Variants in ATM observed in about 807,000 individuals in gnomAD.
ATM encodes the protein serine-protein kinase ATM.
Under a neutral mutation model 387.0 loss-of-function variants are expected in ATM, and 308 were observed. The observed-to-expected ratio is 0.80, with a 90% CI of 0.73 to 0.87. ATM has a LOEUF of 0.87. Among genes scored for constraint, ATM ranks in the 40% least tolerant of loss-of-function variants. ATM has a pLI of 0.00. For missense variants in ATM, 3,312 were observed against 3,560.9 expected (o/e 0.93, Z 1.78); for synonymous variants, 1,156 against 1,187.3 (o/e 0.97, Z 0.54).
intron 27 of ATM, 77 bp downstream of exon 27, chr11:108,287,792 A>C: frequency 9.8e-7 from 1 of 1,020,534 alleles, no homozygotes; most frequent in Non-Finnish European, 1.5e-6. Flanking sequence ...GACACCTTCA[A>C]TGTCTATTTC....
chr11:108,346,812 C>T (rs2088474270), intron 58 of ATM, among the ~76,000 whole-genome samples: 1 of 151,926 alleles, frequency 6.6e-6, no homozygotes, highest in African/African-American at 2.4e-5. Flanking sequence ...GGGATACACA[C>T]CTGGTGAAAT....
At chr11:108,292,576 A>C (rs1190498596) in intron 29 of ATM, 43 bp from the exon 30 acceptor site, 1 of 1,597,906 alleles carries the variant, frequency 6.3e-7, no homozygotes, top group African/African-American at 1.3e-5. Context: ...GTAATTTTCC[A>C]GAACTTACTG....
At chr11:108,267,746 A>G (rs2081341834) in intron 17 of ATM, among the ~76,000 whole-genome samples, 1 of 152,036 alleles carries the variant, frequency 6.6e-6, no homozygotes, top group Admixed American at 6.6e-5. Context: ...AGTCCCAGCT[A>G]CTCGGGAGGC....
chr11:108,308,491 G>C (rs2083867209), intron 38 of ATM: 1 of 190,756 alleles, frequency 5.2e-6, no homozygotes, highest in Non-Finnish European at 1.1e-5. Flanking sequence ...TTGTTTTATA[G>C]TATAGTATCT....
chr11:108,318,094 G>T (rs1338580969), intron 43 of ATM, among the ~76,000 whole-genome samples: 4 of 152,114 alleles, frequency 2.6e-5, no homozygotes, highest in Non-Finnish European at 5.9e-5. Context: ...AGGCACGGTG[G>T]CTCATGCCTA....
chr11:108,291,496 C>A (rs988757385), intron 29 of ATM, among the ~76,000 whole-genome samples: 1 of 152,176 alleles, frequency 6.6e-6, no homozygotes, highest in South Asian at 2.1e-4. Flanking sequence ...TCTACTCATT[C>A]CACAATAACT....
Position 108,330,227 on chromosome 11 carries a change from G to C in ATM, c.7321G>C (p.Val2441Leu), listed in dbSNP as rs876659556. 6.2e-7 allele frequency: 1 copy of C among 1,614,112 alleles called. No individual in the cohort carries two copies. Among genetic ancestry groups the C allele is most frequent in the Non-Finnish European group, 8.5e-7 (1 of 1,179,978 alleles). The stretch of plus-strand genomic sequence containing the variant: ...ATTCTATGCAAGATACACAGTAAAG[G>C]TTCAGCGAGAGCTGGAGTTGGATGA... ...KIQTNRYTVK[V>L]QRELELDELA... Residue 2441 changes from valine (V) to leucine (L), a missense_variant, in exon 50 of 63, where the codon GTT becomes CTT. Val to Leu is a conservative substitution (Grantham distance 32, BLOSUM62 1). Coordinates refer to ENST00000675843, the MANE Select transcript of ATM (RefSeq NM_000051.4).
intron 5 of ATM, among the ~76,000 whole-genome samples, chr11:108,236,765 T>C (rs1365503538): frequency 1.3e-5 from 2 of 152,120 alleles, no homozygotes; most frequent in African/African-American, 4.8e-5. Context: ...GGGAGGAATC[T>C]GGTGTTGTTT....
chr11:108,327,926 AC>A (rs2085847430), intron 48 of ATM, among the ~76,000 whole-genome samples, 168 bp downstream of exon 48: 1 of 152,176 alleles, frequency 6.6e-6, no homozygotes, highest in Non-Finnish European at 1.5e-5. Context: ...AAACATTGTT[AC>A]AAAACAAAGC....
At chr11:108,355,298 A>G (rs652541) in intron 61 of ATM, 130,450 of 215,928 alleles carry the variant, frequency 0.6, 40,146 homozygotes, top group Middle Eastern at 0.75. Context: ...CTAGAGGAAC[A>G]TGGCTTAGGA....
chr11:108,362,392 G>T (rs1042486302), intron 61 of ATM, among the ~76,000 whole-genome samples: 1 of 151,772 alleles, frequency 6.6e-6, no homozygotes, highest in African/African-American at 2.4e-5. Flanking sequence ...TCAGTGTGGC[G>T]ATTCCTCAGG....
Position 108,249,095 on chromosome 11 carries a change from G to A in ATM, c.1228G>A (p.Val410Met), listed in dbSNP as rs863224555. Residue 410 changes from valine to methionine, a missense_variant, in exon 9 of 63, where the codon GTG becomes ATG. Val to Met is a conservative substitution (Grantham distance 21). Around this residue, in one of 4 missense-constraint regions of ATM, gnomAD observed 1,791 missense variants for 1,804.5 expected, o/e 0.99. Transcript: ENST00000675843. ...GAAGTCACAGAATGATTTTGATCTTGTGCCTTGGTAAAGTGTTACCATTTT... is the reference window on the plus strand; with the variant it reads ...GAAGTCACAGAATGATTTTGATCTTATGCCTTGGTAAAGTGTTACCATTTT... ...LQKSQNDFDL[V>M]PWLQIATQLI... 1 of 1,613,892 alleles carries A rather than the reference G, an allele frequency of 6.2e-7. No individual in the cohort carries two copies. The highest frequency in any genetic ancestry group is 8.5e-7 in the Non-Finnish European group (1 of 1,179,938).
chr11:108,358,498 T>C (rs2090314124), intron 61 of ATM, among the ~76,000 whole-genome samples: 1 of 149,228 alleles, frequency 6.7e-6, no homozygotes, highest in Non-Finnish European at 1.5e-5. Context: ...AATTGTCAGA[T>C]TCACCAAAGT....
chr11:108,271,060 T>C lies in ATM; in HGVS notation c.2839-4T>C, dbSNP rs1057522619. ...CCTGATTTTTTTCCCTCCTACCATCTTAGTATCTAATGCTTTTAAAGGAGC... is the reference window on the plus strand; with the variant it reads ...CCTGATTTTTTTCCCTCCTACCATCCTAGTATCTAATGCTTTTAAAGGAGC... On this transcript the variant is annotated splice_region_variant and splice_polypyrimidine_tract_variant and intron_variant, in intron 18 of 62. Transcript: ENST00000675843. The C allele has an allele frequency of 1.2e-6, 2 of 1,612,640 alleles. No homozygotes were observed. The highest frequency in any genetic ancestry group is 1.7e-6 in the Non-Finnish European group (2 of 1,178,732).
Position 108,268,575 on chromosome 11 carries a change from C to T in ATM, c.2804C>T (p.Thr935Met), listed in dbSNP as rs3218708. Reference protein sequence around the residue: ...RKLLMLIDSSTLEPTKSLHLH... With the variant: ...RKLLMLIDSSMLEPTKSLHLH... ...TTGTTAATGTTAATTGATTCTAGCA[C>T]GCTAGAACCTACCAAATCCCTCCAC... The change falls in exon 18 of 63, where the codon ACG becomes ATG. Residue 935 changes from threonine (T) to methionine (M), a missense_variant. Thr to Met is a moderately conservative substitution (Grantham distance 81). Around this residue, in one of 4 missense-constraint regions of ATM, gnomAD observed 1,791 missense variants for 1,804.5 expected, o/e 0.99. Transcript: ENST00000675843. 9.5e-5 allele frequency: 153 copies of T among 1,613,862 alleles called. No individual in the cohort carries two copies. The highest frequency in any genetic ancestry group is 1.2e-4 in the Non-Finnish European group (140 of 1,179,982).
intron 8 of ATM, 54 bp from the exon 9 acceptor site, chr11:108,248,879 A>G: frequency 1.4e-6 from 2 of 1,471,602 alleles, no homozygotes; most frequent in South Asian, 1.2e-5. Context: ...CAACAGCGAA[A>G]CTCTGGCTCA....
At chr11:108,354,900 TA>T (rs1565582842) in intron 61 of ATM, 26 bp downstream of exon 61, 3 of 1,589,510 alleles carry the variant, frequency 1.9e-6, no homozygotes, top group Non-Finnish European at 2.6e-6. Context: ...AGGAAGACTT[TA>T]TTTTTTTTCT....
At position 108,327,765 on chromosome 11, in the gene ATM, T is replaced by C. The variant is rs1404350048; in HGVS notation, c.7089+7T>C. On this transcript the variant is annotated splice_region_variant and intron_variant, in intron 48 of 62. Coordinates refer to ENST00000675843, the MANE Select transcript of ATM (RefSeq NM_000051.4). ...GCAGACCTATCTAGAAAAGGTAAGA[T>C]TTTTGGAGCAACCCTTAAGATAGTT... is the stretch of plus-strand genomic sequence containing the variant. 2 of 1,600,352 alleles carry C rather than the reference T, an allele frequency of 1.2e-6. No individual in the cohort carries two copies. The highest frequency in any genetic ancestry group is 1.1e-5 in the South Asian group (1 of 90,704).
At position 108,267,302 on chromosome 11, in the gene ATM, T is replaced by G. The variant is rs730881350; in HGVS notation, c.2598T>G (p.Val866=). 1 of 1,613,976 alleles carries G rather than the reference T, an allele frequency of 6.2e-7. No individual in the cohort carries two copies. Among genetic ancestry groups the G allele is most frequent in the African/African-American group, 1.3e-5 (1 of 74,916 alleles). ...NLFNDYPDSS[V]SDANEPGESQ... Reference sequence around the variant, plus strand: ...TTAACGATTACCCTGATAGTAGTGTTAGTGATGCAAACGAACCTGGAGAGA... The same window carrying G: ...TTAACGATTACCCTGATAGTAGTGTGAGTGATGCAAACGAACCTGGAGAGA... Residue 866 remains valine, a synonymous_variant, in exon 17 of 63, where the codon GTT becomes GTG. Coordinates refer to ENST00000675843, the MANE Select transcript of ATM (RefSeq NM_000051.4).
Sources: allele counts gnomAD v4.1 joint callset (sites outside exome capture counted in the v4.1 genomes callset), GRCh38; gene constraint gnomAD v4.1.1; regional missense constraint gnomAD v4.1.1; transcripts MANE v1.5; gene names NCBI Gene and HGNC (gene_info 2026-07-23, HGNC 2026-07-21).